The following CLUH variants were observed in gnomAD, a reference collection of about 807,000 sequenced individuals.
CLUH encodes the protein CLUH binding protein of NUMT mRNA.
A neutral mutation model predicts 139.3 loss-of-function variants in CLUH; 77 were observed. That is an observed-to-expected ratio of 0.55 (90% CI 0.46 to 0.67). CLUH has a LOEUF of 0.67. CLUH is among the 30% of genes least tolerant of loss of function. The pLI, the probability that CLUH is intolerant of heterozygous loss-of-function variation, is 0.00. For missense variants in CLUH, 1,876 were observed against 1,875.8 expected (o/e 1.00, Z 0.00); for synonymous variants, 999 against 801.6 (o/e 1.25, Z -4.16).
chr17:2,706,204 G>A lies in CLUH; in HGVS notation c.101-1640C>T, dbSNP rs1056427838. 1.2e-4 allele frequency among the ~76,000 whole-genome samples: 19 copies of A among 152,276 alleles called. No homozygotes were observed. The highest frequency in any genetic ancestry group is 3.4e-3 in the Middle Eastern group (1 of 294). On this transcript the variant is annotated intron_variant, in intron 1 of 25. Coordinates refer to ENST00000651024, the MANE Select transcript of CLUH (RefSeq NM_001366661.1). The surrounding 1 kb of genome is among the most constrained non-coding windows in gnomAD (Gnocchi z 4.6). ...GACCCACCAGAAACACGGAGCAGGA[G>A]CCTCAGGGAAGGGATGAGGCCAGTA... is the stretch of plus-strand genomic sequence containing the variant.
intron 17 of CLUH, 80 bp downstream of exon 17, chr17:2,694,400 G>A: frequency 6.6e-7 from 1 of 1,526,026 alleles, no homozygotes; most frequent in Non-Finnish European, 8.9e-7. Context: ...CTGTGGCCCT[G>A]GCCAGGAGTG....
intron 1 of CLUH, among the ~76,000 whole-genome samples, chr17:2,708,862 G>T (rs2070427476): frequency 2.1e-5 from 1 of 47,898 alleles, no homozygotes; most frequent in African/African-American, 8.6e-5. Context: ...CCTCTACTCG[G>T]GGGGGGGGGA....
chr17:2,700,811 G>A lies in CLUH; in HGVS notation c.1040C>T (p.Pro347Leu), dbSNP rs1486688798. 6.6e-6 allele frequency: 10 copies of A among 1,525,362 alleles called. No homozygotes were observed. The highest frequency in any genetic ancestry group is 1.3e-5 in the South Asian group (1 of 75,910). The allele number at this position is 1,525,362 out of a possible 1,614,324, so 94.5% of individuals were successfully genotyped here. Residue 347 changes from proline (P) to leucine (L), a missense_variant, in exon 8 of 26, where the codon CCG becomes CTG. This residue lies in a region of CLUH where 270 missense variants were observed against 354.7 expected (regional missense o/e 0.76). Coordinates refer to ENST00000651024, the MANE Select transcript of CLUH (RefSeq NM_001366661.1). ...GAATGGGGTGGCGATCCTCTCGAAC[G>A]GGTGGCGCTGGACCCTGTGGCAGGC... Reference protein sequence around the residue: ...VLQKKRVQRHPFERIATPFQV... With the variant: ...VLQKKRVQRHLFERIATPFQV...
rs773907140 is a variant in CLUH at position 2,691,743 on chromosome 17, G to A, written c.3789+18C>T. ...CCGCGCTCGCCGGGCCGGAGGGGCC[G>A]CTCCGCCCCGGACTCACCTTGAGGG... On this transcript the variant is annotated intron_variant, in intron 24 of 25. Transcript: ENST00000651024. The A allele has an allele frequency of 6.3e-7, 1 of 1,596,780 alleles. No individual in the cohort carries two copies.
rs913082622 is a variant in CLUH at position 2,707,428 on chromosome 17, C to T, written c.101-2864G>A. 42 of 985,426 alleles carry T rather than the reference C, an allele frequency of 4.3e-5. No homozygotes were observed. The highest frequency in any genetic ancestry group is 3.5e-4 in the African/African-American group (20 of 57,354). The allele number at this position is 985,426 out of a possible 1,614,324, so 61.0% of individuals were successfully genotyped here. Reference sequence around the variant, plus strand: ...CCCTGCCTGGCATCCCGCTCAAGGTCGGCCAGAAGGACGGCTGTGGGCCAG... The same window carrying T: ...CCCTGCCTGGCATCCCGCTCAAGGTTGGCCAGAAGGACGGCTGTGGGCCAG... On this transcript the variant is annotated intron_variant, in intron 1 of 25. Coordinates refer to ENST00000651024, the MANE Select transcript of CLUH (RefSeq NM_001366661.1). This position sits in a 1 kb window ranked among gnomAD's most constrained non-coding sequence, Gnocchi z 7.4.
In CLUH at chr17:2,701,989, G is replaced by T; in HGVS notation, c.544C>A (p.Pro182Thr). Residue 182 changes from proline (P) to threonine (T), a missense_variant, in exon 4 of 26, where the codon CCA becomes ACA. Physicochemically the swap from Pro to Thr is conservative, Grantham distance 38. This residue lies in a region of CLUH where 270 missense variants were observed against 354.7 expected (regional missense o/e 0.76). Transcript: ENST00000651024. ...TCAACCCCGTTGAAGGCATCGGATG[G>T]GTCCAGGCTCTTGAGCAGGTCTCGG... ...HVRDLLKSLD[P>T]SDAFNGVDCN... 1 of 1,613,976 alleles carries T rather than the reference G, an allele frequency of 6.2e-7. No homozygotes were observed. The highest frequency in any genetic ancestry group is 8.5e-7 in the Non-Finnish European group (1 of 1,179,894).
chr17:2,700,923 C>A, intron 7 of CLUH, 98 bp from the exon 8 acceptor site: 1 of 1,449,962 alleles, frequency 6.9e-7, no homozygotes, highest in East Asian at 2.4e-5. Context: ...CCGGCATCTC[C>A]CACCCTGAGA....
rs368814083 is a variant in CLUH at position 2,694,014 on chromosome 17, G to A, written c.3117C>T (p.Leu1039=). 8 of 1,613,950 alleles carry A rather than the reference G, an allele frequency of 5.0e-6. No individual in the cohort carries two copies. The African/African-American group carries it at 8.0e-5, about 16-fold the overall frequency. ...TAAACAGGTTCAGGGCCTCATTGAT[G>A]AGCTCACAGCCCTCCTTCAGGAAGC... The part of the protein sequence containing the change: ...QQGFLKEGCE[L]INEALNLFNN... Residue 1039 remains leucine, a synonymous_variant, in exon 19 of 26, where the codon CTC becomes CTT. Coordinates refer to ENST00000651024, the MANE Select transcript of CLUH (RefSeq NM_001366661.1).
At chr17:2,694,822 T>TACCACCCCCCCCACCCCCCCAGCCC in intron 16 of CLUH, 35 bp downstream of exon 16, 1 of 1,346,338 alleles carries the variant, frequency 7.4e-7, no homozygotes, top group Non-Finnish European at 1.0e-6. Context: ...ATCTGCCCAA[T>TACCACCCCCCCCACCCCCCCAGCCC]CCCACCCACC....
intron 11 of CLUH, 28 bp from the exon 12 acceptor site, chr17:2,696,566 G>A (rs375907120): frequency 2.0e-4 from 316 of 1,545,452 alleles, no homozygotes; most frequent in Non-Finnish European, 2.7e-4. Flanking sequence ...CATGAGACAC[G>A]GGTCCCCTCT....
Position 2,698,271 on chromosome 17 carries a change from A to T in CLUH, c.1586T>A (p.Ile529Asn). Residue 529 changes from isoleucine (I) to asparagine (N), a missense_variant, in exon 10 of 26, where the codon ATC becomes AAC. By Grantham distance (149) the Ile-to-Asn change is moderately radical. Transcript: ENST00000651024. ...RVTAQSIIPG[I>N]LERDQEQSVI... ...GCTCTGCTCCTGGTCCCGCTCCAGG[A>T]TGCCGGGGATGATGGACTGGGCCGT... 6.2e-7 allele frequency: 1 copy of T among 1,610,616 alleles called. No individual in the cohort carries two copies. The highest frequency in any genetic ancestry group is 8.5e-7 in the Non-Finnish European group (1 of 1,178,882).
chr17:2,701,373 G>C lies in CLUH; in HGVS notation c.892C>G (p.Leu298Val), dbSNP rs755648223. Residue 298 changes from leucine to valine, a missense_variant, in exon 6 of 26, where the codon CTG becomes GTG. Coordinates refer to ENST00000651024, the MANE Select transcript of CLUH (RefSeq NM_001366661.1). Reference sequence around the variant, plus strand: ...GGGCTGGCAGGGACTCACTGATTCAGGTAAAAGCCCCGTGTGGACGCGGTG... The same window carrying C: ...GGGCTGGCAGGGACTCACTGATTCACGTAAAAGCCCCGTGTGGACGCGGTG... The part of the protein sequence containing the change: ...SITASTRGFY[L>V]NQSTAYHFNP... The C allele has an allele frequency of 7.7e-5, 124 of 1,607,228 alleles. No individual in the cohort carries two copies. Among genetic ancestry groups the C allele is most frequent in the Middle Eastern group, 1.6e-4 (1 of 6,072 alleles).
chr17:2,690,525 G>C lies in CLUH; in HGVS notation c.*69C>G. The C allele has an allele frequency of 7.6e-7, 1 of 1,316,314 alleles. No individual in the cohort carries two copies. Among genetic ancestry groups the C allele is most frequent in the Non-Finnish European group, 9.9e-7 (1 of 1,009,720 alleles). 81.5% of individuals were successfully genotyped at this position (1,316,314 alleles called of 1,614,324 possible). Reference sequence around the variant, plus strand: ...TGCTTCCTCTTCCGCCCGCAGGCTCGCCCCCTTCTCCCGCAGTCGGGCTCC... The same window carrying C: ...TGCTTCCTCTTCCGCCCGCAGGCTCCCCCCCTTCTCCCGCAGTCGGGCTCC... On this transcript the variant is annotated 3_prime_UTR_variant, in exon 26 of 26. Coordinates refer to ENST00000651024, the MANE Select transcript of CLUH (RefSeq NM_001366661.1).
At chr17:2,692,512 A>T in intron 21 of CLUH, 30 bp from the exon 22 acceptor site, 2 of 1,597,340 alleles carry the variant, frequency 1.3e-6, no homozygotes, top group Non-Finnish European at 1.7e-6. Flanking sequence ...GGCCCTGGTC[A>T]GCTCCCGGTC....
In CLUH at chr17:2,694,468, A is replaced by G; in HGVS notation, c.2937+12T>C. 6.4e-7 allele frequency: 1 copy of G among 1,566,528 alleles called. No homozygotes were observed. Among genetic ancestry groups the G allele is most frequent in the Non-Finnish European group, 8.7e-7 (1 of 1,155,008 alleles). ...GCGGGGACACAGCGGGGATGCTGTG[A>G]GCCATGCCCACCTGGATCCCTGTTT... On this transcript the variant is annotated intron_variant, in intron 17 of 25. Coordinates refer to ENST00000651024, the MANE Select transcript of CLUH (RefSeq NM_001366661.1).
chr17:2,694,139 C>T lies in CLUH; in HGVS notation c.3075G>A (p.Gln1025=). ...SDAFHFFQSG[Q]AKVQQGFLKE... ...GCCACACACCCTGCTGCACTTTGGC[C>T]TGCCCGCTCTGGAAGAAATGGAAGG... The change falls in exon 18 of 26, where the codon CAG becomes CAA. Residue 1025 remains glutamine (Q), a synonymous_variant. Coordinates refer to ENST00000651024, the MANE Select transcript of CLUH (RefSeq NM_001366661.1). 6.2e-7 allele frequency: 1 copy of T among 1,613,656 alleles called. No homozygotes were observed. Among genetic ancestry groups the T allele is most frequent in the South Asian group, 1.1e-5 (1 of 91,040 alleles).
intron 9 of CLUH, among the ~76,000 whole-genome samples, chr17:2,699,136 C>A (rs771036025): frequency 1.3e-5 from 2 of 151,974 alleles, no homozygotes; most frequent in Non-Finnish European, 1.5e-5. Flanking sequence ...AACAAGCGTG[C>A]GCAGGTTTGG....
chr17:2,707,426 G>A lies in CLUH; in HGVS notation c.101-2862C>T. ...CCCCCTGCCTGGCATCCCGCTCAAG[G>A]TCGGCCAGAAGGACGGCTGTGGGCC... On this transcript the variant is annotated intron_variant, in intron 1 of 25. Transcript: ENST00000651024. The surrounding 1 kb of genome is among the most constrained non-coding windows in gnomAD (Gnocchi z 7.4). 2.0e-6 allele frequency: 2 copies of A among 985,452 alleles called. No homozygotes were observed. Among genetic ancestry groups the A allele is most frequent in the Non-Finnish European group, 2.4e-6 (2 of 829,924 alleles). The allele number at this position is 985,452 out of a possible 1,614,324, so 61.0% of individuals were successfully genotyped here.
rs1567576122 is a variant in CLUH at position 2,691,982 on chromosome 17, C to CGCCA, written c.3654+21_3654+22insTGGC. 4.2e-5 allele frequency: 32 copies of CGCCA among 761,284 alleles called. 3 individuals carry two copies. The highest frequency in any genetic ancestry group is 5.7e-5 in the South Asian group (2 of 35,198). The allele number at this position is 761,284 out of a possible 1,614,324, so 47.2% of individuals were successfully genotyped here. A position where few individuals can be genotyped will look rare whatever the true frequency, so the allele number is the denominator to read the frequency against. ...CCACGCCCCCGCCCCGCCCCCGCCC[C>CGCCA]CGCCACGCCCCCGCCGCGCACCTGC... On this transcript the variant is annotated intron_variant, in intron 23 of 25. Transcript: ENST00000651024.
Sources: allele counts gnomAD v4.1 joint callset (sites outside exome capture counted in the v4.1 genomes callset), GRCh38; gene constraint gnomAD v4.1.1; regional missense constraint gnomAD v4.1.1; non-coding constraint Gnocchi (gnomAD v3.1); transcripts MANE v1.5; gene names NCBI Gene and HGNC (gene_info 2026-07-23, HGNC 2026-07-21).